The following CCDC91 variants were observed in gnomAD, a reference collection of about 807,000 sequenced individuals.
CCDC91 encodes the protein coiled-coil domain-containing protein 91.
CCDC91 carries 48 observed loss-of-function variants against 63.2 expected under a neutral mutation model. The observed-to-expected ratio is 0.76, with a 90% CI of 0.60 to 0.97. The LOEUF (loss-of-function observed/expected upper bound fraction) is 0.97. CCDC91 is among the 50% of genes least tolerant of loss of function. The pLI is 0.00. For missense variants in CCDC91, 500 were observed against 494.6 expected, an observed-to-expected ratio of 1.01 and a Z score of -0.10; for synonymous variants, 167 against 165.8, an observed-to-expected ratio of 1.01 and a Z score of -0.06.
chr12:28,365,621 T>A (rs1944222193), intron 7 of CCDC91, among the ~76,000 whole-genome samples: 1 of 152,226 alleles, frequency 6.6e-6, no homozygotes, highest in African/African-American at 2.4e-5. Flanking sequence ...TCAACAAAGA[T>A]TATTCATTAT....
At chr12:28,520,500 A>G (rs181683924) in intron 12 of CCDC91, among the ~76,000 whole-genome samples, 2,690 of 152,028 alleles carry the variant, frequency 0.018, 88 homozygotes, top group African/African-American at 0.061. Context: ...GATTGCAAAA[A>G]TTTTCTCCCA....
chr12:28,316,272 C>T (rs1939848699), intron 6 of CCDC91, among the ~76,000 whole-genome samples: 1 of 151,724 alleles, frequency 6.6e-6, no homozygotes, highest in South Asian at 2.1e-4. Flanking sequence ...TTGCCTTCTA[C>T]ATTTGTCTTT....
Position 28,270,379 on chromosome 12 carries a change from G to C in CCDC91, c.109+10937G>C, listed in dbSNP as rs115463920. On this transcript the variant is annotated intron_variant, in intron 3 of 12. Coordinates refer to ENST00000536442, the MANE Select transcript of CCDC91 (RefSeq NM_018318.5). ...ATCATTTTGTATCTGTCAAGTCTGA[G>C]GCCATAGAAAAGTGGATAAAAGGTG... Among the ~76,000 whole-genome samples, 1,231 of 152,172 alleles carry C rather than the reference G, an allele frequency of 8.1e-3. 20 individuals carry two copies. The highest frequency in any genetic ancestry group is 0.029 in the African/African-American group (1,197 of 41,554).
At chr12:28,469,687 G>A (rs11049638) in intron 11 of CCDC91, among the ~76,000 whole-genome samples, 31,710 of 151,916 alleles carry the variant, frequency 0.21, 4,329 homozygotes, top group Non-Finnish European at 0.31. Context: ...ATTTCAAATT[G>A]TATTCCAGAG....
At chr12:28,488,556 C>G (rs1951839868) in intron 12 of CCDC91, among the ~76,000 whole-genome samples, 1 of 151,652 alleles carries the variant, frequency 6.6e-6, no homozygotes, top group Non-Finnish European at 1.5e-5. Context: ...TAAAATCTAT[C>G]ATGCTAATCC....
intron 8 of CCDC91, among the ~76,000 whole-genome samples, chr12:28,420,278 A>C (rs184364294): frequency 4.8e-4 from 73 of 152,296 alleles, no homozygotes; most frequent in African/African-American, 1.7e-3. Context: ...AAAGCTCTAG[A>C]TGAAATTTTT....
At chr12:28,342,952 C>A (rs1942541347) in intron 6 of CCDC91, among the ~76,000 whole-genome samples, 1 of 151,972 alleles carries the variant, frequency 6.6e-6, no homozygotes, top group Non-Finnish European at 1.5e-5. Flanking sequence ...CATATCATGC[C>A]TTTTTATTTG....
At chr12:28,410,219 C>T (rs1947231847) in intron 8 of CCDC91, among the ~76,000 whole-genome samples, 1 of 152,076 alleles carries the variant, frequency 6.6e-6, no homozygotes. Context: ...TTAGTGTATT[C>T]ACATTTAGGA....
At chr12:28,303,357 T>A (rs1247656433) in intron 3 of CCDC91, among the ~76,000 whole-genome samples, 1 of 152,008 alleles carries the variant, frequency 6.6e-6, no homozygotes, top group Non-Finnish European at 1.5e-5. Flanking sequence ...CTTCAACCTC[T>A]CCCTTTCATC....
chr12:28,247,678 T>G (rs1945843460), intron 1 of CCDC91, among the ~76,000 whole-genome samples: 1 of 152,042 alleles, frequency 6.6e-6, no homozygotes, highest in African/African-American at 2.4e-5. Context: ...GTGACCTTGC[T>G]TAGGGTGAAA....
intron 6 of CCDC91, among the ~76,000 whole-genome samples, chr12:28,308,836 C>G (rs1307301853): frequency 6.6e-6 from 1 of 151,994 alleles, no homozygotes; most frequent in Non-Finnish European, 1.5e-5. Context: ...CTGTAATAGT[C>G]TCCTAAGTGG....
chr12:28,283,836 G>GGT (rs1948748333), intron 3 of CCDC91, among the ~76,000 whole-genome samples: 6 of 152,138 alleles, frequency 3.9e-5, no homozygotes, highest in Non-Finnish European at 8.8e-5. Flanking sequence ...TTCCATTTAT[G>GGT]ATATCATGTG....
intron 6 of CCDC91, among the ~76,000 whole-genome samples, chr12:28,324,906 C>G (rs1940844431): frequency 6.6e-6 from 1 of 151,622 alleles, no homozygotes. Context: ...GTATTTAGCA[C>G]AGAATATATT....
intron 11 of CCDC91, among the ~76,000 whole-genome samples, chr12:28,462,867 A>C (rs766824653): frequency 2.0e-5 from 3 of 152,174 alleles, no homozygotes; most frequent in Non-Finnish European, 4.4e-5. Context: ...TGATGTAGAA[A>C]GCCTGGAGCA....
At chr12:28,199,290 A>G (rs559885369) in intron 1 of CCDC91, among the ~76,000 whole-genome samples, 38 of 142,904 alleles carry the variant, frequency 2.7e-4, no homozygotes, top group East Asian at 1.2e-3. Flanking sequence ...TTATTTTATA[A>G]CAATCTATAT....
intron 3 of CCDC91, among the ~76,000 whole-genome samples, chr12:28,269,372 T>C (rs1162093654): frequency 2.0e-5 from 3 of 152,122 alleles, no homozygotes; most frequent in African/African-American, 7.2e-5. Flanking sequence ...TGATTATCTA[T>C]TCCATATCCC....
intron 8 of CCDC91, among the ~76,000 whole-genome samples, chr12:28,419,020 C>T (rs948768658): frequency 6.6e-6 from 1 of 152,140 alleles, no homozygotes; most frequent in African/African-American, 2.4e-5. Context: ...TTATTTTATA[C>T]ATCCATCCAT....
chr12:28,523,284 ATAGT>A (rs1255210295), intron 12 of CCDC91, among the ~76,000 whole-genome samples: 3 of 152,106 alleles, frequency 2.0e-5, no homozygotes, highest in Non-Finnish European at 2.9e-5. Context: ...TATATTTAGG[ATAGT>A]TAGTTCTTCT....
At chr12:28,371,887 TC>T (rs2138842580) in intron 7 of CCDC91, among the ~76,000 whole-genome samples, 1 of 152,326 alleles carries the variant, frequency 6.6e-6, no homozygotes, top group Admixed American at 6.5e-5. Context: ...TTCACATAGA[TC>T]AAATTACTAT....
Sources: allele counts gnomAD v4.1 joint callset (sites outside exome capture counted in the v4.1 genomes callset), GRCh38; gene constraint gnomAD v4.1.1; transcripts MANE v1.5; gene names NCBI Gene and HGNC (gene_info 2026-07-23, HGNC 2026-07-21).